The following ADAMTS3 variants were observed in gnomAD, a reference collection of about 807,000 sequenced individuals.
The protein encoded by ADAMTS3 is ADAM metallopeptidase with thrombospondin type 1 motif 3, also known as A disintegrin and metalloproteinase with thrombospondin motifs 3.
In ADAMTS3, 73 loss-of-function variants were observed where a neutral mutation model predicts 129.0. The observed-to-expected ratio is 0.57, with a 90% CI of 0.47 to 0.69. The LOEUF is 0.69. Among genes scored for constraint, ADAMTS3 ranks in the 30% least tolerant of loss-of-function variants. The probability of loss-of-function intolerance (pLI) is 0.00; values close to 1 mark genes in which losing one functional copy is unlikely to be tolerated. For missense variants in ADAMTS3, 1,457 were observed against 1,514.5 expected, an observed-to-expected ratio of 0.96 and a Z score of 0.63; for synonymous variants, 477 against 510.8, an observed-to-expected ratio of 0.93 and a Z score of 0.89.
chr4:72,378,125 C>T (rs187735394), intron 4 of ADAMTS3, among the ~76,000 whole-genome samples: 50 of 152,262 alleles, frequency 3.3e-4, no homozygotes, highest in East Asian at 9.7e-4. Flanking sequence ...ATTTCAACCA[C>T]GTGAAAAGAC....
intron 2 of ADAMTS3, among the ~76,000 whole-genome samples, chr4:72,564,144 T>C (rs1721969649): frequency 6.6e-6 from 1 of 152,056 alleles, no homozygotes; most frequent in South Asian, 2.1e-4. Context: ...AGATGGAAGA[T>C]ATGCCCCAAT....
chr4:72,509,064 T>A, intron 3 of ADAMTS3, among the ~76,000 whole-genome samples: 1 of 151,738 alleles, frequency 6.6e-6, no homozygotes, highest in East Asian at 1.9e-4. Context: ...AATTGAAAAA[T>A]TTCTTGAAAC....
chr4:72,567,287 A>G, intron 2 of ADAMTS3, 87 bp downstream of exon 2: 3 of 1,325,244 alleles, frequency 2.3e-6, no homozygotes, highest in Middle Eastern at 1.8e-4. Flanking sequence ...CCAGTGGGAA[A>G]CATTTCAGAA....
chr4:72,294,048 T>G (rs895843694), intron 19 of ADAMTS3, among the ~76,000 whole-genome samples: 1 of 151,888 alleles, frequency 6.6e-6, no homozygotes, highest in African/African-American at 2.4e-5. Flanking sequence ...CGGGAGAATT[T>G]TTTTCAAAAC....
rs115623423 is a variant in ADAMTS3, at chr4:72,504,385, C to T, written c.504+44093G>A. ...TGGACTTCCTTGTCTTTAAGAAGGC[C>T]GAAAATAGGCCCTGATCTCTTCTGG... On this transcript the variant is annotated intron_variant, in intron 3 of 21. Transcript: ENST00000286657. Among the ~76,000 whole-genome samples the T allele has an allele frequency of 7.8e-3, 1,184 of 152,124 alleles. 18 individuals carry two copies. Among genetic ancestry groups the T allele is most frequent in the African/African-American group, 0.028 (1,143 of 41,488 alleles).
intron 4 of ADAMTS3, among the ~76,000 whole-genome samples, chr4:72,385,931 A>T (rs1338779862): frequency 6.6e-6 from 1 of 151,300 alleles, no homozygotes; most frequent in African/African-American, 2.4e-5. Flanking sequence ...AAAATCAATG[A>T]TTTTTTTTTC....
At chr4:72,493,666 T>A (rs1455877837) in intron 3 of ADAMTS3, among the ~76,000 whole-genome samples, 1 of 152,118 alleles carries the variant, frequency 6.6e-6, no homozygotes. Flanking sequence ...TCCATTTGGC[T>A]GTATCTGTTA....
At chr4:72,353,570 C>T (rs1173100028) in intron 4 of ADAMTS3, among the ~76,000 whole-genome samples, 2 of 152,094 alleles carry the variant, frequency 1.3e-5, no homozygotes, top group East Asian at 3.9e-4. Context: ...ATCTCCACCT[C>T]CCATTCCCAG....
At chr4:72,499,674 C>G (rs138081462) in intron 3 of ADAMTS3, among the ~76,000 whole-genome samples, 2 of 151,994 alleles carry the variant, frequency 1.3e-5, no homozygotes, top group Non-Finnish European at 2.9e-5. Context: ...AGGTTTGTTA[C>G]TTTGGTATAT....
intron 17 of ADAMTS3, among the ~76,000 whole-genome samples, chr4:72,300,557 C>T (rs1024969784): frequency 2.0e-5 from 3 of 152,102 alleles, no homozygotes; most frequent in South Asian, 2.1e-4. Context: ...AATAGACCCA[C>T]ATAAATGTGG....
At chr4:72,420,359 T>C (rs938278133) in intron 3 of ADAMTS3, among the ~76,000 whole-genome samples, 5 of 152,186 alleles carry the variant, frequency 3.3e-5, no homozygotes, top group Non-Finnish European at 7.3e-5. Context: ...TTGCACTGGC[T>C]CTTTCCTCTA....
At position 72,383,620 on chromosome 4, in the gene ADAMTS3, A is replaced by G. The variant is rs368919185; in HGVS notation, c.661+31195T>C. On this transcript the variant is annotated intron_variant, in intron 4 of 21. Coordinates refer to ENST00000286657, the MANE Select transcript of ADAMTS3 (RefSeq NM_014243.3). Reference sequence around the variant, plus strand: ...AGGCGGACTCTAAGCAGCCCAGCTAAGGCTAAAAGGAATGCAGAGGGGTTA... The same window carrying G: ...AGGCGGACTCTAAGCAGCCCAGCTAGGGCTAAAAGGAATGCAGAGGGGTTA... Among the ~76,000 whole-genome samples the G allele has an allele frequency of 2.6e-5, 4 of 152,314 alleles. No homozygotes were observed. The East Asian group carries it at 7.7e-4, about 29-fold the overall frequency.
intron 3 of ADAMTS3, among the ~76,000 whole-genome samples, chr4:72,521,040 C>T (rs1382184335): frequency 6.6e-6 from 1 of 151,804 alleles, no homozygotes; most frequent in African/African-American, 2.4e-5. Flanking sequence ...TTCAGTCACC[C>T]AGACTGGAGT....
intron 6 of ADAMTS3, among the ~76,000 whole-genome samples, chr4:72,321,335 CT>C (rs1210206317): frequency 7.0e-6 from 1 of 143,586 alleles, no homozygotes; most frequent in East Asian, 2.4e-4. Flanking sequence ...CCATTCCTGG[CT>C]TTTTTTTTGT....
At chr4:72,480,379 G>A (rs1168728232) in intron 3 of ADAMTS3, among the ~76,000 whole-genome samples, 1 of 152,138 alleles carries the variant, frequency 6.6e-6, no homozygotes, top group Non-Finnish European at 1.5e-5. Flanking sequence ...AAAAGGATGA[G>A]TTCATGTCCT....
intron 4 of ADAMTS3, among the ~76,000 whole-genome samples, chr4:72,392,844 T>G (rs1721632610): frequency 6.6e-6 from 1 of 152,118 alleles, no homozygotes; most frequent in Non-Finnish European, 1.5e-5. Context: ...TAGGAGGAAC[T>G]AGAAAAGAAA....
intron 3 of ADAMTS3, among the ~76,000 whole-genome samples, chr4:72,471,841 T>G (rs539551649): frequency 6.6e-6 from 1 of 152,102 alleles, no homozygotes; most frequent in Non-Finnish European, 1.5e-5. Context: ...TAAATGTAGA[T>G]AGATATAATC....
At chr4:72,359,707 A>G (rs1193597487) in intron 4 of ADAMTS3, among the ~76,000 whole-genome samples, 2 of 152,064 alleles carry the variant, frequency 1.3e-5, no homozygotes, top group African/African-American at 2.4e-5. Context: ...AATGCATCCT[A>G]TCTATCAAGT....
intron 3 of ADAMTS3, among the ~76,000 whole-genome samples, chr4:72,432,144 T>C (rs1161598011): frequency 6.6e-6 from 1 of 151,934 alleles, no homozygotes; most frequent in Non-Finnish European, 1.5e-5. Context: ...CCTAGGTACA[T>C]AGGAGAACTG....
Sources: allele counts gnomAD v4.1 joint callset (sites outside exome capture counted in the v4.1 genomes callset), GRCh38; gene constraint gnomAD v4.1.1; transcripts MANE v1.5; gene names NCBI Gene and HGNC (gene_info 2026-07-23, HGNC 2026-07-21).